Variants in COQ8B observed in about 807,000 individuals in gnomAD.
COQ8B encodes coenzyme Q8B.
Under a neutral mutation model 62.0 loss-of-function variants are expected in COQ8B, and 44 were observed. The observed-to-expected ratio is 0.71, with a 90% confidence interval of 0.56 to 0.91. The LOEUF is 0.91. COQ8B is among the 40% of genes least tolerant of loss of function. COQ8B has a pLI of 0.00. For synonymous variants in COQ8B, 252 were observed against 289.9 expected, an observed-to-expected ratio of 0.87 and a Z score of 1.33; for missense variants, 649 against 731.6, an observed-to-expected ratio of 0.89 and a Z score of 1.30.
intron 9 of COQ8B, 57 bp downstream of exon 9, chr19:40,703,481 TTTC>T (rs1472332167): frequency 1.7e-5 from 25 of 1,502,632 alleles, no homozygotes; most frequent in Admixed American, 1.3e-4. Context: ...CCCCTCCTGC[TTTC>T]TCTCTCTGGG....
chr19:40,712,414 A>G (rs1182795092), intron 4 of COQ8B, among the ~76,000 whole-genome samples: 3 of 134,938 alleles, frequency 2.2e-5, no homozygotes, highest in Admixed American at 7.2e-5. Context: ...CTCCCTAAGA[A>G]AAAAAAAAAA....
At chr19:40,692,831 C>T (rs2144678517) in intron 14 of COQ8B, 120 bp downstream of exon 14, 3 of 816,594 alleles carry the variant, frequency 3.7e-6, no homozygotes, top group South Asian at 3.5e-5. Flanking sequence ...CCTAGAGTCC[C>T]CCAGTCCCCG....
At chr19:40,703,475 T>C in intron 9 of COQ8B, 66 bp downstream of exon 9, 2 of 1,482,200 alleles carry the variant, frequency 1.3e-6, no homozygotes, top group Non-Finnish European at 1.8e-6. Context: ...GGGCTCCCCC[T>C]CCTGCTTTCT....
At chr19:40,695,924 C>T (rs1301349874) in intron 13 of COQ8B, 65 bp downstream of exon 13, 9 of 1,521,916 alleles carry the variant, frequency 5.9e-6, no homozygotes, top group African/African-American at 1.4e-5. Flanking sequence ...CTTCTTACTC[C>T]TCTGCCTCAG....
At chr19:40,700,558 C>T in intron 10 of COQ8B, 107 bp from the exon 11 acceptor site, 2 of 1,350,508 alleles carry the variant, frequency 1.5e-6, no homozygotes, top group Middle Eastern at 5.3e-4. Flanking sequence ...CAGTCTGCGC[C>T]ATGCCCTCCC....
rs1041758041 is a variant in COQ8B at position 40,696,203 on chromosome 19, A to G, written c.1144-149T>C. 49 of 813,546 alleles carry G rather than the reference A, an allele frequency of 6.0e-5. No individual in the cohort carries two copies. The East Asian group carries it at 1.2e-3, about 19-fold the overall frequency. The allele number at this position is 813,546 out of a possible 1,614,324, so 50.4% of individuals were successfully genotyped here. On this transcript the variant is annotated intron_variant, in intron 12 of 14. Coordinates refer to ENST00000324464, the MANE Select transcript of COQ8B (RefSeq NM_024876.4). ...GCTGCCTCACTGGGCTCCTGGCCTC[A>G]TCTCCCGTTTCCAACCGACCCCCTA...
At chr19:40,706,006 G>A (rs2082098387) in intron 5 of COQ8B, among the ~76,000 whole-genome samples, 1 of 151,820 alleles carries the variant, frequency 6.6e-6, no homozygotes, top group Non-Finnish European at 1.5e-5. Flanking sequence ...GAGTCAAAGA[G>A]TAACTACTAC....
Position 40,714,640 on chromosome 19 carries a change from A to T in COQ8B, c.-3-5T>A. On this transcript the variant is annotated splice_polypyrimidine_tract_variant and splice_region_variant and intron_variant, in intron 1 of 14. Coordinates refer to ENST00000324464, the MANE Select transcript of COQ8B (RefSeq NM_024876.4). ...CCCCACCTTCAGCCACATTGCCTGG[A>T]GGAGAAGAGGAGGGATTATTCAGGT... 1 of 1,587,768 alleles carries T rather than the reference A, an allele frequency of 6.3e-7. No homozygotes were observed. Among genetic ancestry groups the T allele is most frequent in the Non-Finnish European group, 8.6e-7 (1 of 1,168,988 alleles).
At chr19:40,697,851 T>TAGAGAGAGAGAGAGAGAGAGAGAGAG (rs1290386996) in intron 12 of COQ8B, among the ~76,000 whole-genome samples, 19 of 54,714 alleles carry the variant, frequency 3.5e-4, no homozygotes, top group Admixed American at 4.0e-4. Context: ...TATATATATA[T>TAGAGAGAGAGAGAGAGAGAGAGAGAG]AGAGAGAGAG....
At chr19:40,697,851 T>TATAGAG (rs1446181673) in intron 12 of COQ8B, among the ~76,000 whole-genome samples, 119 of 54,716 alleles carry the variant, frequency 2.2e-3, no homozygotes, top group Non-Finnish European at 3.1e-3. Flanking sequence ...TATATATATA[T>TATAGAG]AGAGAGAGAG....
chr19:40,692,224 G>T lies in COQ8B; in HGVS notation c.1446C>A (p.Pro482=). 1 of 1,607,126 alleles carries T rather than the reference G, an allele frequency of 6.2e-7. No individual in the cohort carries two copies. The highest frequency in any genetic ancestry group is 2.3e-5 in the East Asian group (1 of 44,412). Residue 482 remains proline (P), a synonymous_variant, in exon 15 of 15, where the codon CCC becomes CCA. Coordinates refer to ENST00000324464, the MANE Select transcript of COQ8B (RefSeq NM_024876.4). Reference sequence around the variant, plus strand: ...TGCGGTGCAGGGCATAGGTCTCCTCGGGTGGGGGACACAGCCGGTGCCGCA... The same window carrying T: ...TGCGGTGCAGGGCATAGGTCTCCTCTGGTGGGGGACACAGCCGGTGCCGCA... ...VLLRHRLCPP[P]EETYALHRKL...
intron 10 of COQ8B, among the ~76,000 whole-genome samples, chr19:40,702,227 G>A (rs1215555236): frequency 6.6e-6 from 1 of 152,216 alleles, no homozygotes; most frequent in Non-Finnish European, 1.5e-5. Context: ...ACAACCTGCA[G>A]TGCAGAAGGG....
chr19:40,699,434 C>T (rs1408109987), intron 12 of COQ8B, among the ~76,000 whole-genome samples: 1 of 151,990 alleles, frequency 6.6e-6, no homozygotes, highest in Non-Finnish European at 1.5e-5. Context: ...CTGTGCTCCT[C>T]ATTGTGGTTG....
intron 1 of COQ8B, chr19:40,715,262 A>C: frequency 1.0e-6 from 1 of 986,108 alleles, no homozygotes; most frequent in African/African-American, 1.7e-5. Flanking sequence ...TCGGGGGCCC[A>C]TCTGGGGGGA....
chr19:40,703,781 A>C lies in COQ8B; in HGVS notation c.651T>G (p.Ala217=). ...VASLEEVPFA[A]ASIGQVHQGL... ...CCTGGTGCACCTGCCCAATTGAGGC[A>C]GCGGCAAAGGGCACCTCCTCCAAGG... The change falls in exon 8 of 15, where the codon GCT becomes GCG. Residue 217 remains alanine, a synonymous_variant. Transcript: ENST00000324464. The C allele has an allele frequency of 1.2e-6, 2 of 1,614,038 alleles. No individual in the cohort carries two copies. Among genetic ancestry groups the C allele is most frequent in the South Asian group, 2.2e-5 (2 of 91,082 alleles).
At chr19:40,713,940 G>C in intron 4 of COQ8B, 127 bp downstream of exon 4, 1 of 1,020,402 alleles carries the variant, frequency 9.8e-7, no homozygotes, top group Admixed American at 2.3e-5. Flanking sequence ...GCAGGCCCTT[G>C]CCTTTGTCTC....
At chr19:40,697,523 G>A (rs780181398) in intron 12 of COQ8B, among the ~76,000 whole-genome samples, 1 of 152,112 alleles carries the variant, frequency 6.6e-6, no homozygotes, top group East Asian at 1.9e-4. Context: ...GTGGCTGGGC[G>A]TGATGGCTCA....
intron 9 of COQ8B, 35 bp from the exon 10 acceptor site, chr19:40,702,728 C>A (rs201573678): frequency 6.3e-7 from 1 of 1,593,124 alleles, no homozygotes; most frequent in East Asian, 2.2e-5. Flanking sequence ...GGAAGGGCCC[C>A]GAGCGCCCAC....
intron 4 of COQ8B, among the ~76,000 whole-genome samples, chr19:40,713,854 G>A (rs2082162611): frequency 6.6e-6 from 1 of 151,144 alleles, no homozygotes; most frequent in Non-Finnish European, 1.5e-5. Context: ...TCCAGCCTGG[G>A]TGACAAAGTG....
Sources: allele counts gnomAD v4.1 joint callset (sites outside exome capture counted in the v4.1 genomes callset), GRCh38; gene constraint gnomAD v4.1.1; transcripts MANE v1.5; gene names NCBI Gene and HGNC (gene_info 2026-07-23, HGNC 2026-07-21).